The following GTF2A1L variants were observed in gnomAD, a reference collection of about 807,000 sequenced individuals.
GTF2A1L encodes TFIIA-alpha and beta-like factor.
A neutral mutation model predicts 49.7 loss-of-function variants in GTF2A1L; 48 were observed. The ratio of observed to expected loss-of-function variants is 0.97; its 90% CI spans 0.77 to 1.23. The LOEUF (loss-of-function observed/expected upper bound fraction) is 1.23. Among genes scored for constraint, GTF2A1L ranks in the 50% most tolerant of loss-of-function variants. GTF2A1L has a pLI of 0.00. For missense variants in GTF2A1L, 736 were observed against 564.8 expected (o/e 1.30, Z -3.07); for synonymous variants, 246 against 193.5 (o/e 1.27, Z -2.25).
intron 3 of GTF2A1L, among the ~76,000 whole-genome samples, chr2:48,637,396 A>T (rs1404492788): frequency 1.3e-5 from 2 of 152,300 alleles, no homozygotes; most frequent in South Asian, 4.1e-4. Context: ...TTGCTATGTT[A>T]AAATTTATTG....
chr2:48,633,111 A>C (rs2104118378), intron 3 of GTF2A1L: 1 of 271,760 alleles, frequency 3.7e-6, no homozygotes, highest in East Asian at 1.1e-4. Context: ...CTTCTTTTTG[A>C]AGTTTGTTTC....
intron 4 of GTF2A1L, among the ~76,000 whole-genome samples, chr2:48,643,962 G>C (rs985094369): frequency 6.6e-6 from 1 of 152,076 alleles, no homozygotes; most frequent in South Asian, 2.1e-4. Flanking sequence ...GCCTCCCAAA[G>C]TGCTGGGATT....
At chr2:48,658,083 T>C (rs1408539604) in intron 6 of GTF2A1L, among the ~76,000 whole-genome samples, 2 of 152,232 alleles carry the variant, frequency 1.3e-5, no homozygotes, top group Non-Finnish European at 2.9e-5. Context: ...TTTCTTTTGC[T>C]GTGCAGAACC....
intron 7 of GTF2A1L, among the ~76,000 whole-genome samples, chr2:48,671,287 C>T (rs779144211): frequency 2.0e-4 from 30 of 152,154 alleles, no homozygotes; most frequent in Non-Finnish European, 3.4e-4. Flanking sequence ...ACTGCAGCCT[C>T]AACTTACTGG....
At chr2:48,647,961 A>G (rs1365268093) in intron 6 of GTF2A1L, among the ~76,000 whole-genome samples, 1 of 152,154 alleles carries the variant, frequency 6.6e-6, no homozygotes, top group Non-Finnish European at 1.5e-5. Flanking sequence ...TGGTTTAGCC[A>G]TCATCTAGAC....
chr2:48,678,295 G>A lies in GTF2A1L; in HGVS notation c.1330-1040G>A, dbSNP rs561828768. ...TGAGTTTGGGATGTTTGTTGTCACC[G>A]TTGTATTCCCGAGAGATTTTTAAGA... On this transcript the variant is annotated intron_variant, in intron 8 of 8. Coordinates refer to ENST00000403751, the MANE Select transcript of GTF2A1L (RefSeq NM_006872.5). Among the ~76,000 whole-genome samples, 21 of 151,942 alleles carry A rather than the reference G, an allele frequency of 1.4e-4. No individual in the cohort carries two copies. The South Asian group carries it at 2.3e-3, about 17-fold the overall frequency.
intron 1 of GTF2A1L, among the ~76,000 whole-genome samples, chr2:48,620,271 T>G (rs1675907129): frequency 6.6e-6 from 1 of 152,232 alleles, no homozygotes; most frequent in Non-Finnish European, 1.5e-5. Flanking sequence ...ACCATGCATC[T>G]TTGAGATTAT....
At chr2:48,642,481 T>A in intron 4 of GTF2A1L, 24 bp downstream of exon 4, 1 of 1,556,996 alleles carries the variant, frequency 6.4e-7, no homozygotes, top group Non-Finnish European at 8.8e-7. Context: ...TTAAAATATA[T>A]TTTAAAAGAC....
At chr2:48,622,491 A>G (rs1676059469) in intron 3 of GTF2A1L, among the ~76,000 whole-genome samples, 2 of 152,200 alleles carry the variant, frequency 1.3e-5, no homozygotes, top group South Asian at 2.1e-4. Context: ...TATTTATTAC[A>G]GAATGCTAAA....
chr2:48,653,539 A>G (rs888429332), intron 6 of GTF2A1L, among the ~76,000 whole-genome samples: 6 of 152,212 alleles, frequency 3.9e-5, no homozygotes, highest in African/African-American at 1.4e-4. Flanking sequence ...AATACATTTG[A>G]GATTCATCCA....
intron 8 of GTF2A1L, among the ~76,000 whole-genome samples, chr2:48,674,833 G>A (rs12472054): frequency 0.091 from 13,872 of 151,918 alleles, 881 homozygotes; most frequent in African/African-American, 0.18. Flanking sequence ...ATAGATAGAG[G>A]TGATATTAAA....
At chr2:48,623,254 A>G (rs1676111208) in intron 3 of GTF2A1L, among the ~76,000 whole-genome samples, 1 of 152,212 alleles carries the variant, frequency 6.6e-6, no homozygotes, top group African/African-American at 2.4e-5. Flanking sequence ...AAAATAACTT[A>G]AACTTCTAGA....
intron 3 of GTF2A1L, among the ~76,000 whole-genome samples, chr2:48,635,332 A>G (rs951231174): frequency 1.3e-5 from 2 of 152,286 alleles, no homozygotes; most frequent in African/African-American, 4.8e-5. Flanking sequence ...CTGCCTGGGC[A>G]TGGAGTGGAG....
intron 3 of GTF2A1L, among the ~76,000 whole-genome samples, chr2:48,634,072 G>C (rs903722178): frequency 1.3e-5 from 2 of 152,050 alleles, no homozygotes; most frequent in African/African-American, 2.4e-5. Flanking sequence ...CTTTTTAGTG[G>C]AGTGTTTAGA....
At chr2:48,623,549 A>G (rs997542316) in intron 3 of GTF2A1L, among the ~76,000 whole-genome samples, 1 of 152,234 alleles carries the variant, frequency 6.6e-6, no homozygotes, top group African/African-American at 2.4e-5. Context: ...TCAACTCATC[A>G]GTTCTATTAC....
In GTF2A1L at chr2:48,641,850, A is replaced by G. The variant is rs190365789; in HGVS notation, c.248-552A>G. Among the ~76,000 whole-genome samples the G allele has an allele frequency of 5.7e-4, 87 of 152,276 alleles. 1 individual carries two copies. The highest frequency in any genetic ancestry group is 3.5e-3 in the Admixed American group (54 of 15,288). On this transcript the variant is annotated intron_variant, in intron 3 of 8. Transcript: ENST00000403751. Reference sequence around the variant, plus strand: ...TCATTCTGGGGATTTGTTTTCTTACATATTTTTAGCAATTGTACCTGTTTT... The same window carrying G: ...TCATTCTGGGGATTTGTTTTCTTACGTATTTTTAGCAATTGTACCTGTTTT...
intron 6 of GTF2A1L, among the ~76,000 whole-genome samples, chr2:48,660,236 G>A (rs1380247745): frequency 6.6e-6 from 1 of 152,074 alleles, no homozygotes; most frequent in Non-Finnish European, 1.5e-5. Context: ...AGAAGTATTG[G>A]TCTGTAATTT....
At chr2:48,670,429 A>C (rs1361053314) in intron 7 of GTF2A1L, among the ~76,000 whole-genome samples, 1 of 152,138 alleles carries the variant, frequency 6.6e-6, no homozygotes, top group East Asian at 1.9e-4. Context: ...TTTAATCTTC[A>C]ACTGTAATTT....
intron 1 of GTF2A1L, among the ~76,000 whole-genome samples, chr2:48,619,298 A>G (rs1296642827): frequency 2.6e-5 from 4 of 152,012 alleles, no homozygotes; most frequent in South Asian, 2.1e-4. Context: ...GTGAAACCCC[A>G]TCTCTACTAA....
Sources: allele counts gnomAD v4.1 joint callset (sites outside exome capture counted in the v4.1 genomes callset), GRCh38; gene constraint gnomAD v4.1.1; transcripts MANE v1.5; gene names NCBI Gene and HGNC (gene_info 2026-07-23, HGNC 2026-07-21).